The following TANC1 variants were observed in gnomAD, a reference collection of about 807,000 sequenced individuals.
The protein encoded by TANC1 is tetratricopeptide repeat, ankyrin repeat and coiled-coil containing 1.
A neutral mutation model predicts 149.7 loss-of-function variants in TANC1; 77 were observed. The ratio of observed to expected loss-of-function variants is 0.51; its 90% CI spans 0.43 to 0.62. The LOEUF is 0.62. TANC1 is among the 20% of genes least tolerant of loss of function. The pLI is 0.00. For missense variants in TANC1, 1,985 were observed against 2,321.8 expected (o/e 0.85, Z 2.98); for synonymous variants, 854 against 925.0 (o/e 0.92, Z 1.39).
At chr2:159,196,365 G>C (rs1405383037) in intron 17 of TANC1, among the ~76,000 whole-genome samples, 1 of 152,226 alleles carries the variant, frequency 6.6e-6, no homozygotes, top group Non-Finnish European at 1.5e-5. Context: ...AGGGACATGG[G>C]AGTAAGGAGG....
intron 2 of TANC1, among the ~76,000 whole-genome samples, chr2:159,054,980 A>G (rs1160949048): frequency 1.3e-5 from 2 of 152,238 alleles, no homozygotes; most frequent in East Asian, 1.9e-4. Flanking sequence ...ATCACTTTGT[A>G]TACATAATGC....
At chr2:159,184,104 T>C (rs4665034) in intron 14 of TANC1, among the ~76,000 whole-genome samples, 149,966 of 152,352 alleles carry the variant, frequency 0.98, 73,844 homozygotes, top group East Asian at 1. Flanking sequence ...TGGTCTTGCA[T>C]AAGTCGCTTA....
chr2:159,165,610 C>T (rs1348154666), intron 8 of TANC1, among the ~76,000 whole-genome samples: 1 of 152,188 alleles, frequency 6.6e-6, no homozygotes, highest in Non-Finnish European at 1.5e-5. Flanking sequence ...GTTGTATAGA[C>T]TCTATGCAGC....
chr2:159,076,726 T>C (rs2043721576), intron 3 of TANC1, among the ~76,000 whole-genome samples: 3 of 150,854 alleles, frequency 2.0e-5, no homozygotes, highest in Admixed American at 2.0e-4. Flanking sequence ...GTTCAATTTC[T>C]TGCTTGAGGA....
intron 2 of TANC1, among the ~76,000 whole-genome samples, chr2:159,023,000 A>G (rs1157169452): frequency 6.6e-6 from 1 of 152,176 alleles, no homozygotes; most frequent in African/African-American, 2.4e-5. Flanking sequence ...TCACAGCCTA[A>G]GAGGGCACAT....
intron 3 of TANC1, among the ~76,000 whole-genome samples, chr2:159,077,236 T>C (rs147610362): frequency 7.8e-4 from 119 of 152,290 alleles, no homozygotes; most frequent in African/African-American, 2.8e-3. Flanking sequence ...TTTAAATTTT[T>C]TGTAGAGGTG....
At chr2:159,034,343 G>A (rs1208440609) in intron 2 of TANC1, among the ~76,000 whole-genome samples, 2 of 152,092 alleles carry the variant, frequency 1.3e-5, no homozygotes, top group South Asian at 2.1e-4. Context: ...TGTTTTTGAG[G>A]CATAAATATT....
chr2:159,108,040 T>C (rs448513), intron 4 of TANC1, among the ~76,000 whole-genome samples: 63,143 of 152,090 alleles, frequency 0.42, 13,986 homozygotes, highest in East Asian at 0.64. Flanking sequence ...TAAGTAACTG[T>C]TAAAACCAAT....
rs558800770 is a variant in TANC1, at chr2:158,972,723, G to A, written c.-126+3941G>A. 3.3e-5 allele frequency among the ~76,000 whole-genome samples: 5 copies of A among 152,260 alleles called. No homozygotes were observed. In the South Asian group the frequency reaches 1.0e-3, roughly 32 times the overall value. On this transcript the variant is annotated intron_variant, in intron 1 of 26. Coordinates refer to ENST00000263635, the MANE Select transcript of TANC1 (RefSeq NM_033394.3). ...GGGGTTTAAACCTCAATAAGAAGAT[G>A]TATCAGTGCTCATTGGCTGGGAAGG...
chr2:159,229,132 C>A (rs909455298), intron 26 of TANC1, among the ~76,000 whole-genome samples: 6 of 152,122 alleles, frequency 3.9e-5, no homozygotes, highest in Non-Finnish European at 7.4e-5. Context: ...CACCCCTCCC[C>A]CCACGTGAAA....
intron 19 of TANC1, among the ~76,000 whole-genome samples, chr2:159,209,646 G>GGT (rs1327473724): frequency 3.3e-5 from 5 of 152,126 alleles, no homozygotes; most frequent in Non-Finnish European, 7.4e-5. Context: ...ACCAAGGCAG[G>GGT]GTGGGCAGTC....
intron 16 of TANC1, among the ~76,000 whole-genome samples, chr2:159,189,863 G>A (rs1407726342): frequency 2.0e-5 from 3 of 152,202 alleles, no homozygotes; most frequent in Non-Finnish European, 4.4e-5. Context: ...CAAGCTCCCA[G>A]GTGGTTTCAG....
At chr2:159,115,207 C>CGTGT (rs552279066) in intron 4 of TANC1, among the ~76,000 whole-genome samples, 22 of 149,200 alleles carry the variant, frequency 1.5e-4, no homozygotes, top group African/African-American at 5.2e-4. Flanking sequence ...TATGTGTGTC[C>CGTGT]GTGTGTGTGT....
At chr2:159,219,424 C>T in intron 21 of TANC1, 63 bp downstream of exon 21, 1 of 1,596,220 alleles carries the variant, frequency 6.3e-7, no homozygotes, top group Non-Finnish European at 8.6e-7. Flanking sequence ...TCAGCAGACC[C>T]ATTCAGTGCT....
rs2060301342 is a variant in TANC1 at position 159,230,859 on chromosome 2, A to G, written c.5433A>G (p.Pro1811=). Residue 1811 remains proline, a synonymous_variant, in exon 27 of 27, where the codon CCA becomes CCG. Transcript: ENST00000263635. The surrounding 1 kb of genome is among the most constrained non-coding windows in gnomAD (Gnocchi z 4.4). Reference sequence around the variant, plus strand: ...TAGAAGAAAGCAAGTGCCAAATTCCAGTCCACTCTCAAGAGAACAGGATAA... The same window carrying G: ...TAGAAGAAAGCAAGTGCCAAATTCCGGTCCACTCTCAAGAGAACAGGATAA... ...KELEESKCQI[P]VHSQENRITK... is the part of the protein sequence containing the mutation. The G allele has an allele frequency of 6.2e-7, 1 of 1,614,118 alleles. No homozygotes were observed. Among genetic ancestry groups the G allele is most frequent in the African/African-American group, 1.3e-5 (1 of 74,950 alleles).
intron 2 of TANC1, among the ~76,000 whole-genome samples, chr2:159,038,533 C>T (rs1360661608): frequency 6.6e-6 from 1 of 152,128 alleles, no homozygotes; most frequent in African/African-American, 2.4e-5. Flanking sequence ...CCCATCAATA[C>T]CTAATTTATT....
rs1352448910 is a variant in TANC1 at position 159,229,721 on chromosome 2, T to A, written c.4295T>A (p.Leu1432Gln). The A allele has an allele frequency of 6.2e-7, 1 of 1,613,842 alleles. No individual in the cohort carries two copies. Among genetic ancestry groups the A allele is most frequent in the Middle Eastern group, 1.6e-4 (1 of 6,062 alleles). The change falls in exon 27 of 27, where the codon CTA becomes CAA. Residue 1432 changes from leucine (L) to glutamine (Q), a missense_variant. By Grantham distance (113) the Leu-to-Gln change is moderately radical. Around this residue, in one of 3 missense-constraint regions of TANC1, gnomAD observed 920 missense variants for 994.7 expected, o/e 0.92. Transcript: ENST00000263635. ...CAACAGCAAAAACAGCAGGGCCCGC[T>A]ACCAGCTCCACTCAACGACTCCGAG... The part of the protein sequence containing the change: ...RSQQQKQQGP[L>Q]PAPLNDSENE...
chr2:159,184,357 G>A (rs2056777272), intron 14 of TANC1, among the ~76,000 whole-genome samples: 1 of 152,224 alleles, frequency 6.6e-6, no homozygotes, highest in Non-Finnish European at 1.5e-5. Context: ...CAGGAGTATA[G>A]GTGGGGAGCA....
chr2:159,200,221 G>A (rs376175771), intron 19 of TANC1, among the ~76,000 whole-genome samples: 1 of 152,242 alleles, frequency 6.6e-6, no homozygotes, highest in Admixed American at 6.5e-5. Flanking sequence ...ACTGCTGACA[G>A]CCAAAAGGTC....
Sources: gnomAD v4.1 joint callset for allele counts (sites outside exome capture counted in the v4.1 genomes callset) on GRCh38, gnomAD v4.1.1 for gene constraint, gnomAD v4.1.1 regional missense constraint, Gnocchi (gnomAD v3.1) non-coding constraint, MANE v1.5 for transcripts, NCBI Gene and HGNC (gene_info 2026-07-23, HGNC 2026-07-21) for gene names.